Variants in STK3 observed in about 807,000 individuals in gnomAD.
STK3 encodes serine/threonine-protein kinase 3.
In STK3, 41 loss-of-function variants were observed where a neutral mutation model predicts 58.0. That is an observed-to-expected ratio of 0.71 (90% CI 0.55 to 0.92). The LOEUF is 0.92. Among genes scored for constraint, STK3 ranks in the 40% least tolerant of loss-of-function variants. The pLI is 0.00. For synonymous variants in STK3, 170 were observed against 191.0 expected, an observed-to-expected ratio of 0.89 and a Z score of 0.91; for missense variants, 479 against 602.7, an observed-to-expected ratio of 0.79 and a Z score of 2.15.
rs531858806 is a variant in STK3 at position 98,656,513 on chromosome 8, CTTTATA to C, written c.684+49948_684+49953del. On this transcript the variant is annotated intron_variant, in intron 6 of 10. Coordinates refer to ENST00000419617, the MANE Select transcript of STK3 (RefSeq NM_006281.4). ...AAAAAAAAGTTTCCTTTTTTATATA[CTTTATA>C]TTTATGTACTCAAGAAAGGCTGTTG... 2.5e-3 allele frequency among the ~76,000 whole-genome samples: 379 copies of C among 151,846 alleles called. 2 individuals carry two copies. Among genetic ancestry groups the C allele is most frequent in the Non-Finnish European group, 4.2e-3 (288 of 67,884 alleles).
chr8:98,884,956 C>T (rs1473955698), intron 1 of STK3, among the ~76,000 whole-genome samples: 1 of 152,158 alleles, frequency 6.6e-6, no homozygotes, highest in Non-Finnish European at 1.5e-5. Flanking sequence ...CCTAAAAACT[C>T]AAAGAACACT....
intron 1 of STK3, among the ~76,000 whole-genome samples, chr8:98,899,969 G>A (rs1838593636): frequency 6.6e-6 from 1 of 152,190 alleles, no homozygotes; most frequent in Admixed American, 6.5e-5. Flanking sequence ...CTGGAACATA[G>A]TGATTGCTTA....
Position 98,905,647 on chromosome 8 carries a change from G to A in STK3, c.-78-21813C>T, listed in dbSNP as rs1838868215. The A allele has an allele frequency of 8.7e-6, 7 of 803,376 alleles. No individual in the cohort carries two copies. In the South Asian group the frequency reaches 9.4e-5, roughly 11 times the overall value. 49.8% of individuals were successfully genotyped at this position (803,376 alleles called of 1,614,324 possible). ...CCTGCTCTGTGGCCTCCTGGGGCAG[G>A]TTTCTGATGAACAGCTTCATCATCC... is the stretch of plus-strand genomic sequence containing the variant. On this transcript the variant is annotated intron_variant, in intron 1 of 1. Transcript: ENST00000519420.
At chr8:98,555,659 A>G (rs1389269335) in intron 8 of STK3, among the ~76,000 whole-genome samples, 2 of 152,134 alleles carry the variant, frequency 1.3e-5, no homozygotes, top group Non-Finnish European at 2.9e-5. Flanking sequence ...TATTCTTCAG[A>G]AAAAAACGTG....
intron 3 of STK3, among the ~76,000 whole-genome samples, chr8:98,848,314 C>T (rs1836292313): frequency 1.3e-5 from 2 of 151,246 alleles, no homozygotes. Flanking sequence ...ATGGTGACTT[C>T]TCAGTGCTCC....
intron 10 of STK3, among the ~76,000 whole-genome samples, chr8:98,465,250 A>G (rs1001460465): frequency 5.3e-5 from 8 of 152,184 alleles, no homozygotes; most frequent in Admixed American, 1.3e-4. Context: ...TCTCTCAGCT[A>G]GAGGTGCTTA....
intron 6 of STK3, among the ~76,000 whole-genome samples, chr8:98,649,804 G>C (rs999773549): frequency 6.6e-6 from 1 of 152,132 alleles, no homozygotes. Context: ...AGATTATTAT[G>C]ATATAGTTTT....
chr8:98,623,053 C>G (rs1161286130), intron 6 of STK3, among the ~76,000 whole-genome samples: 1 of 151,766 alleles, frequency 6.6e-6, no homozygotes, highest in African/African-American at 2.4e-5. Flanking sequence ...GAGTAATGCT[C>G]CAAAATACAA....
intron 6 of STK3, among the ~76,000 whole-genome samples, chr8:98,674,584 ATAGTT>A (rs1257589918): frequency 1.3e-5 from 2 of 152,158 alleles, no homozygotes; most frequent in Non-Finnish European, 2.9e-5. Flanking sequence ...CATTTATACT[ATAGTT>A]TAAAGAATAT....
chr8:98,718,109 A>G (rs1587408726), intron 4 of STK3, among the ~76,000 whole-genome samples: 2 of 152,298 alleles, frequency 1.3e-5, no homozygotes, highest in South Asian at 4.1e-4. Context: ...TACAAGATGA[A>G]AAGAGTTAGG....
intron 6 of STK3, among the ~76,000 whole-genome samples, chr8:98,649,291 C>G (rs1356246874): frequency 1.3e-5 from 2 of 152,024 alleles, no homozygotes; most frequent in African/African-American, 4.8e-5. Flanking sequence ...CAACCTACCG[C>G]TTATCTATTG....
chr8:98,776,574 C>T (rs1379563639), intron 1 of STK3, among the ~76,000 whole-genome samples: 1 of 152,076 alleles, frequency 6.6e-6, no homozygotes, highest in Non-Finnish European at 1.5e-5. Context: ...GAAATATGAG[C>T]GTGGAAGGTT....
intron 2 of STK3, among the ~76,000 whole-genome samples, chr8:98,374,147 C>A (rs925573397): frequency 4.6e-5 from 7 of 152,168 alleles, no homozygotes; most frequent in African/African-American, 1.7e-4. Flanking sequence ...ATGAAGGGAA[C>A]GTTTTACAGG....
intron 3 of STK3, among the ~76,000 whole-genome samples, chr8:98,404,424 T>C (rs1301779070): frequency 6.6e-6 from 1 of 152,152 alleles, no homozygotes; most frequent in African/African-American, 2.4e-5. Context: ...CTCACGCCTG[T>C]AACCCCAGCA....
chr8:98,489,667 CCA>C (rs1004742974), intron 10 of STK3, among the ~76,000 whole-genome samples: 1 of 152,108 alleles, frequency 6.6e-6, no homozygotes, highest in African/African-American at 2.4e-5. Flanking sequence ...CACCAAGATT[CCA>C]CACATTCAAT....
At chr8:98,655,672 G>A (rs1458716875) in intron 6 of STK3, among the ~76,000 whole-genome samples, 22 of 151,362 alleles carry the variant, frequency 1.5e-4, no homozygotes, top group African/African-American at 1.9e-4. Flanking sequence ...AAAAGTGGGC[G>A]AAGGACATGA....
chr8:98,931,960 G>A (rs1223237327), intron 1 of STK3, among the ~76,000 whole-genome samples: 1 of 152,216 alleles, frequency 6.6e-6, no homozygotes, highest in African/African-American at 2.4e-5. Context: ...GAGGTAAGTG[G>A]AGACTTGCAG....
intron 9 of STK3, among the ~76,000 whole-genome samples, chr8:98,541,317 G>A (rs1201605602): frequency 1.3e-5 from 2 of 152,054 alleles, no homozygotes; most frequent in African/African-American, 2.4e-5. Context: ...GTGCTGTCTC[G>A]TGGCTGAGTT....
chr8:98,415,807 A>G (rs1304657021), intron 3 of STK3, among the ~76,000 whole-genome samples: 1 of 152,240 alleles, frequency 6.6e-6, no homozygotes, highest in East Asian at 1.9e-4. Flanking sequence ...GTAATCTAAT[A>G]TAATTAAAAT....
Sources: gnomAD v4.1 joint callset for allele counts (sites outside exome capture counted in the v4.1 genomes callset) on GRCh38, gnomAD v4.1.1 for gene constraint, MANE v1.5 for transcripts, NCBI Gene and HGNC (gene_info 2026-07-23, HGNC 2026-07-21) for gene names.